Variants in NRG1 observed in about 807,000 individuals in gnomAD.
NRG1 encodes the protein neuregulin 1.
A neutral mutation model predicts 63.8 loss-of-function variants in NRG1; 18 were observed. The ratio of observed to expected loss-of-function variants is 0.28; its 90% confidence interval spans 0.19 to 0.42. NRG1 has a LOEUF of 0.42. Among genes scored for constraint, NRG1 ranks in the 10% least tolerant of loss-of-function variants. NRG1 has a pLI of 1.00. For synonymous variants in NRG1, 302 were observed against 301.3 expected, an observed-to-expected ratio of 1.00 and a Z score of -0.02; for missense variants, 762 against 814.7, an observed-to-expected ratio of 0.94 and a Z score of 0.79.
intron 1 of NRG1, among the ~76,000 whole-genome samples, chr8:32,186,153 C>G (rs1585929164): frequency 6.6e-6 from 1 of 152,184 alleles, no homozygotes; most frequent in South Asian, 2.1e-4. Flanking sequence ...ATTTGAGAAA[C>G]TGATTTTTCT....
downstream of NRG1, among the ~76,000 whole-genome samples, chr8:32,769,192 G>A (rs959915150): frequency 6.6e-6 from 1 of 152,110 alleles, no homozygotes; most frequent in East Asian, 1.9e-4. Flanking sequence ...TTTTGCTGAG[G>A]CTTTGTAACG....
intron 1 of NRG1, among the ~76,000 whole-genome samples, chr8:32,120,623 G>GT (rs895720646): frequency 3.3e-5 from 5 of 151,886 alleles, no homozygotes; most frequent in South Asian, 2.1e-4. Flanking sequence ...CTAGAAAGAA[G>GT]TTTTTTTTAT....
At chr8:31,968,630 T>A (rs926295483) in intron 1 of NRG1, among the ~76,000 whole-genome samples, 33 of 152,286 alleles carry the variant, frequency 2.2e-4, no homozygotes, top group African/African-American at 7.5e-4. Context: ...CCTCATTTAA[T>A]GGATCCTGTC....
chr8:32,487,080 A>T (rs1201036002), intron 1 of NRG1, among the ~76,000 whole-genome samples: 1 of 151,956 alleles, frequency 6.6e-6, no homozygotes, highest in Non-Finnish European at 1.5e-5. Flanking sequence ...TATAAAGTAC[A>T]TTTTTGTCAA....
At chr8:32,730,617 TA>T (rs1277653173) in intron 6 of NRG1, among the ~76,000 whole-genome samples, 1 of 152,226 alleles carries the variant, frequency 6.6e-6, no homozygotes, top group Non-Finnish European at 1.5e-5. Flanking sequence ...TGCAGCAGAA[TA>T]AAAATCTGTC....
At chr8:32,672,691 T>C (rs61333391) in intron 5 of NRG1, among the ~76,000 whole-genome samples, 2,851 of 152,290 alleles carry the variant, frequency 0.019, 51 homozygotes, top group Middle Eastern at 0.12. Context: ...TTAATATCTT[T>C]CATCTTAAGA....
chr8:31,729,963 T>A (rs1048451974), intron 1 of NRG1, among the ~76,000 whole-genome samples: 5 of 152,100 alleles, frequency 3.3e-5, no homozygotes, highest in Non-Finnish European at 5.9e-5. Flanking sequence ...TTCCCCTTTG[T>A]CCTAAGAAAG....
chr8:32,027,993 A>T (rs1817722747), intron 1 of NRG1, among the ~76,000 whole-genome samples: 1 of 152,156 alleles, frequency 6.6e-6, no homozygotes, highest in Non-Finnish European at 1.5e-5. Context: ...AGTTTCATTT[A>T]TTTTTCCCTC....
rs550979046 is a variant in NRG1 at position 32,747,055 on chromosome 8, T to C, written c.691+4322T>C. ...CAATTTCCCATTGAATTATTTGAAA[T>C]TGGAGCTGCCTGATATGAATGACTT... On this transcript the variant is annotated intron_variant, in intron 7 of 11. Transcript: ENST00000356819. Among the ~76,000 whole-genome samples the C allele has an allele frequency of 1.6e-3, 244 of 152,130 alleles. 1 individual carries two copies. The highest frequency in any genetic ancestry group is 5.8e-3 in the African/African-American group (239 of 41,518).
chr8:31,769,529 A>C (rs954993869), intron 1 of NRG1, among the ~76,000 whole-genome samples: 2 of 152,356 alleles, frequency 1.3e-5, no homozygotes, highest in Admixed American at 1.3e-4. Flanking sequence ...GTTAGGCAGA[A>C]TCAAAAGTAG....
At chr8:32,442,205 C>G (rs1054393625) in intron 1 of NRG1, among the ~76,000 whole-genome samples, 6 of 152,150 alleles carry the variant, frequency 3.9e-5, no homozygotes, top group Admixed American at 2.6e-4. Context: ...ATGTAGCTGT[C>G]CAGAGGGAGA....
intron 1 of NRG1, among the ~76,000 whole-genome samples, chr8:32,139,804 A>G (rs1563831749): frequency 6.6e-6 from 1 of 152,226 alleles, no homozygotes; most frequent in Non-Finnish European, 1.5e-5. Flanking sequence ...TTGAGAATGC[A>G]TGTTTATACC....
intron 1 of NRG1, among the ~76,000 whole-genome samples, chr8:32,099,078 G>A (rs537022957): frequency 2.2e-4 from 34 of 152,286 alleles, no homozygotes; most frequent in East Asian, 7.7e-4. Flanking sequence ...ATGAAAATAC[G>A]TTGCAAGGGT....
At chr8:31,873,666 T>A (rs998075470) in intron 1 of NRG1, among the ~76,000 whole-genome samples, 5 of 152,142 alleles carry the variant, frequency 3.3e-5, no homozygotes, top group Middle Eastern at 3.4e-3. Flanking sequence ...GTGAAATGGG[T>A]CTGAATGCCT....
At chr8:32,245,931 C>T (rs1045097272) in intron 1 of NRG1, among the ~76,000 whole-genome samples, 4 of 152,224 alleles carry the variant, frequency 2.6e-5, no homozygotes, top group Non-Finnish European at 4.4e-5. Context: ...CTCAAGTTTT[C>T]TGAGCCTGCG....
At chr8:32,496,867 T>A (rs1210171763) in intron 1 of NRG1, among the ~76,000 whole-genome samples, 1 of 152,146 alleles carries the variant, frequency 6.6e-6, no homozygotes, top group East Asian at 1.9e-4. Context: ...AAGCAATACA[T>A]GCATACATCT....
chr8:31,902,461 G>T (rs934942872), intron 1 of NRG1, among the ~76,000 whole-genome samples: 3 of 152,110 alleles, frequency 2.0e-5, no homozygotes, highest in Admixed American at 1.3e-4. Context: ...AATTATTTCT[G>T]CATGTGCCAC....
chr8:32,233,850 C>A (rs915657570), intron 1 of NRG1, among the ~76,000 whole-genome samples: 5 of 152,000 alleles, frequency 3.3e-5, no homozygotes, highest in African/African-American at 1.2e-4. Context: ...CAGGTGTGAG[C>A]CATTGCATCC....
At chr8:31,662,122 G>T (rs1308303995) in intron 1 of NRG1, among the ~76,000 whole-genome samples, 1 of 152,182 alleles carries the variant, frequency 6.6e-6, no homozygotes, top group African/African-American at 2.4e-5. Flanking sequence ...ATAGAACATG[G>T]TCTGGCACTT....
Sources: gnomAD v4.1 joint callset for allele counts (sites outside exome capture counted in the v4.1 genomes callset) on GRCh38, gnomAD v4.1.1 for gene constraint, MANE v1.5 for transcripts, NCBI Gene and HGNC (gene_info 2026-07-23, HGNC 2026-07-21) for gene names.